NFIA: variants seen among roughly 807,000 people sequenced by gnomAD.
NFIA encodes nuclear factor I A, also known as nuclear factor 1 A-type.
NFIA carries 8 observed loss-of-function variants against 62.8 expected under a neutral mutation model. The observed-to-expected ratio is 0.13, with a 90% CI of 0.07 to 0.23. The LOEUF is 0.23. Among genes scored for constraint, NFIA ranks in the 10% least tolerant of loss-of-function variants. The probability of loss-of-function intolerance (pLI) is 1.00; values close to 1 mark genes in which losing one functional copy is unlikely to be tolerated. For missense variants in NFIA, 410 were observed against 642.1 expected, an observed-to-expected ratio of 0.64 and a Z score of 3.91; for synonymous variants, 235 against 238.1, an observed-to-expected ratio of 0.99 and a Z score of 0.12.
intron 10 of NFIA, among the ~76,000 whole-genome samples, chr1:61,437,436 C>A (rs1667379144): frequency 6.6e-6 from 1 of 152,014 alleles, no homozygotes; most frequent in Non-Finnish European, 1.5e-5. Flanking sequence ...GACTAGGAGT[C>A]AAAATACCTG....
chr1:61,177,193 A>G (rs1204463001), intron 2 of NFIA, among the ~76,000 whole-genome samples: 1 of 152,186 alleles, frequency 6.6e-6, no homozygotes, highest in East Asian at 1.9e-4. Context: ...AATGCCCTAC[A>G]GGGAAATCTG....
intron 9 of NFIA, among the ~76,000 whole-genome samples, chr1:61,417,312 G>T (rs1666396416): frequency 6.9e-6 from 1 of 145,574 alleles, no homozygotes; most frequent in African/African-American, 2.6e-5. Flanking sequence ...AGATGATTGT[G>T]ACCATACTGA....
At chr1:61,207,446 A>C (rs1023433676) in intron 2 of NFIA, among the ~76,000 whole-genome samples, 1 of 152,194 alleles carries the variant, frequency 6.6e-6, no homozygotes, top group South Asian at 2.1e-4. Context: ...GTTTTATCTC[A>C]GATAATTTGC....
intron 2 of NFIA, among the ~76,000 whole-genome samples, chr1:61,101,713 T>C (rs1646513761): frequency 6.6e-6 from 1 of 152,166 alleles, no homozygotes; most frequent in Admixed American, 6.5e-5. Context: ...CTCGAGACTT[T>C]TACGCTGAAG....
chr1:61,382,236 T>C (rs1377218071), intron 6 of NFIA, among the ~76,000 whole-genome samples: 1 of 152,170 alleles, frequency 6.6e-6, no homozygotes, highest in Non-Finnish European at 1.5e-5. Flanking sequence ...CAGTTGGGTA[T>C]GTCAGCGTGG....
chr1:61,333,046 C>T (rs1189529353), intron 4 of NFIA, among the ~76,000 whole-genome samples: 10 of 141,822 alleles, frequency 7.1e-5, no homozygotes, highest in East Asian at 5.8e-4. Context: ...CTAGCATGCA[C>T]GCACACACAC....
intron 1 of NFIA, among the ~76,000 whole-genome samples, chr1:61,084,630 A>G (rs1431187716): frequency 6.6e-6 from 1 of 152,196 alleles, no homozygotes; most frequent in African/African-American, 2.4e-5. Flanking sequence ...GAAGTTTGCA[A>G]CACACAGAAC....
intron 2 of NFIA, among the ~76,000 whole-genome samples, chr1:61,140,373 C>T (rs149198266): frequency 0.078 from 736 of 9,402 alleles, 29 homozygotes; most frequent in East Asian, 0.4. Context: ...CGGGCGGGGG[C>T]GGGGGGAGGC....
intron 3 of NFIA, among the ~76,000 whole-genome samples, chr1:61,326,932 CAA>C (rs1200082330): frequency 1.3e-5 from 2 of 151,868 alleles, no homozygotes; most frequent in Non-Finnish European, 2.9e-5. Context: ...AGAGAATAAA[CAA>C]GAGGCTATAT....
rs1041220900 is a variant in NFIA at position 61,456,505 on chromosome 1, T to C, written c.*1185T>C. ...ATGAAATCATGGTATCTGTTAATTT[T>C]ATAAGCTAGAAGTCACTATAATGGA... On this transcript the variant is annotated 3_prime_UTR_variant, in exon 11 of 11. Coordinates refer to ENST00000403491, the MANE Select transcript of NFIA (RefSeq NM_001134673.4). 2.6e-5 allele frequency: 4 copies of C among 152,226 alleles called. No individual in the cohort carries two copies. Among genetic ancestry groups the C allele is most frequent in the African/African-American group, 9.7e-5 (4 of 41,380 alleles). The allele number at this position is 152,226 out of a possible 1,614,324, so 9.4% of individuals were successfully genotyped here.
At chr1:61,187,560 C>T (rs990695432) in intron 2 of NFIA, among the ~76,000 whole-genome samples, 5 of 152,224 alleles carry the variant, frequency 3.3e-5, no homozygotes, top group Admixed American at 2.0e-4. Flanking sequence ...CCCACTCCCT[C>T]TGCAGTGTCA....
At chr1:61,291,253 AG>A (rs1156555686) in intron 3 of NFIA, among the ~76,000 whole-genome samples, 2 of 152,206 alleles carry the variant, frequency 1.3e-5, no homozygotes, top group Non-Finnish European at 2.9e-5. Context: ...TGTTGAATTC[AG>A]TTCTATCTGA....
intron 2 of NFIA, among the ~76,000 whole-genome samples, chr1:61,090,711 G>A (rs1469256790): frequency 6.6e-6 from 1 of 152,102 alleles, no homozygotes; most frequent in Non-Finnish European, 1.5e-5. Context: ...ACTACTCTTC[G>A]GTTTGGTTTT....
At chr1:61,309,258 G>A (rs533604504) in intron 3 of NFIA, among the ~76,000 whole-genome samples, 2 of 152,180 alleles carry the variant, frequency 1.3e-5, no homozygotes, top group African/African-American at 4.8e-5. Flanking sequence ...TACATGTGAC[G>A]TGTGTCCTAC....
intron 4 of NFIA, among the ~76,000 whole-genome samples, chr1:61,341,189 G>T (rs969931437): frequency 6.6e-6 from 1 of 150,610 alleles, no homozygotes; most frequent in Non-Finnish European, 1.5e-5. Context: ...TCCGCCTGCC[G>T]AGTAGCCGGG....
At chr1:61,082,142 G>C (rs1399075941), upstream of NFIA, 158 of 1,031,478 alleles carry the variant, frequency 1.5e-4, no homozygotes, top group Non-Finnish European at 2.1e-4. Flanking sequence ...ATAGCTGCCC[G>C]GGAGTACAGA....
chr1:61,373,524 C>T (rs1431966169), intron 6 of NFIA, among the ~76,000 whole-genome samples: 2 of 152,110 alleles, frequency 1.3e-5, no homozygotes, highest in Admixed American at 1.3e-4. Flanking sequence ...CCCTCACAGA[C>T]TATGCATCTC....
chr1:61,360,051 T>C (rs998072137), intron 6 of NFIA, among the ~76,000 whole-genome samples: 1 of 152,226 alleles, frequency 6.6e-6, no homozygotes, highest in African/African-American at 2.4e-5. Flanking sequence ...ATAAGGACAC[T>C]TTGCAATATT....
chr1:61,391,228 T>A (rs909317755), intron 7 of NFIA, among the ~76,000 whole-genome samples: 3 of 151,996 alleles, frequency 2.0e-5, no homozygotes, highest in Admixed American at 6.6e-5. Context: ...GCCTAGCTAA[T>A]TTTTAAAATT....
Sources: gnomAD v4.1 joint callset for allele counts (sites outside exome capture counted in the v4.1 genomes callset) on GRCh38, gnomAD v4.1.1 for gene constraint, MANE v1.5 for transcripts, NCBI Gene and HGNC (gene_info 2026-07-23, HGNC 2026-07-21) for gene names.